Variants in NATD1 observed in about 807,000 individuals in gnomAD.
NATD1 encodes the protein N-acetyltransferase domain containing 1, also known as protein NATD1.
Under a neutral mutation model 12.0 loss-of-function variants are expected in NATD1, and 9 were observed. That is an observed-to-expected ratio of 0.75 (90% CI 0.45 to 1.30). NATD1 has a LOEUF of 1.30. NATD1 is among the 50% of genes most tolerant of loss of function. The pLI, the probability that NATD1 is intolerant of heterozygous loss-of-function variation, is 0.00. For synonymous variants in NATD1, 71 were observed against 65.9 expected (o/e 1.08, Z -0.37); for missense variants, 148 against 148.5 (o/e 1.00, Z 0.02).
chr17:21,252,004 G>A (rs1020974754), intron 1 of NATD1, among the ~76,000 whole-genome samples: 2 of 152,130 alleles, frequency 1.3e-5, no homozygotes, highest in Non-Finnish European at 2.9e-5. Flanking sequence ...GAGGGGGGAT[G>A]GGCTAATCAA....
rs373155795 is a variant in NATD1 at position 21,251,311 on chromosome 17, AC to A, written c.106+1847del. On this transcript the variant is annotated intron_variant, in intron 1 of 2. Transcript: ENST00000611551. ...AGAAAAAGAAAAAAAAAAAAAAAAA[AC>A]AAACGTATCCCCTCTTCTTTCTGTC... 1.9e-3 allele frequency among the ~76,000 whole-genome samples: 287 copies of A among 150,898 alleles called. 6 individuals carry two copies. The highest frequency in any genetic ancestry group is 0.017 in the South Asian group (82 of 4,756).
rs1421964330 is a variant in NATD1 at position 21,243,330 on chromosome 17, C to T, written c.325G>A (p.Glu109Lys). The T allele has an allele frequency of 6.2e-7, 1 of 1,612,718 alleles. No individual in the cohort carries two copies. Among genetic ancestry groups the T allele is most frequent in the Non-Finnish European group, 8.5e-7 (1 of 1,179,918 alleles). The change falls in exon 3 of 3, where the codon GAG (glutamate) becomes AAG (lysine). Residue 109 changes from glutamate (E) to lysine (K), a missense_variant. Glu to Lys is a moderately conservative substitution (Grantham distance 56). Transcript: ENST00000611551. ...GGCCAGGGTTACGGCTGCAGGCGCT[C>T]CAGGTACTGCGGCAGGGGGTTCTCC... ...VKENPLPQYL[E>K]RLQP is the part of the protein sequence containing the mutation.
intron 1 of NATD1, among the ~76,000 whole-genome samples, chr17:21,245,715 T>G (rs1975319460): frequency 6.6e-6 from 1 of 152,104 alleles, no homozygotes; most frequent in South Asian, 2.1e-4. Flanking sequence ...CACCTGCTAC[T>G]TCCTGCACCC....
Position 21,243,400 on chromosome 17 carries a change from G to A in NATD1, c.255C>T (p.Asp85=). The part of the protein sequence containing the change: ...KAALDFVVEE[D]LKAHLTCWYI... ...ACCAGCAGGTGAGATGGGCCTTCAGGTCCTCCTCCACCACGAAGTCCAGGG... is the reference window on the plus strand; with the variant it reads ...ACCAGCAGGTGAGATGGGCCTTCAGATCCTCCTCCACCACGAAGTCCAGGG... Residue 85 remains aspartate (D), a synonymous_variant, in exon 3 of 3, where the codon GAC becomes GAT. Transcript: ENST00000611551. The A allele has an allele frequency of 6.2e-7, 1 of 1,613,388 alleles. No individual in the cohort carries two copies. Among genetic ancestry groups the A allele is most frequent in the Non-Finnish European group, 8.5e-7 (1 of 1,179,962 alleles).
intron 1 of NATD1, among the ~76,000 whole-genome samples, chr17:21,250,765 C>T (rs1284575926): frequency 2.6e-5 from 4 of 152,188 alleles, no homozygotes; most frequent in Non-Finnish European, 4.4e-5. Flanking sequence ...GGTGCTCAAA[C>T]GTTTTCCCTC....
Position 21,249,907 on chromosome 17 carries a change from A to G in NATD1, c.106+3252T>C, listed in dbSNP as rs1422578694. ...TCAGAACCAGGATATGGCATCAGAC[A>G]AGCCTGAGCTCAAGCCTTCCCTCAT... On this transcript the variant is annotated intron_variant, in intron 1 of 2. Transcript: ENST00000611551. 2.0e-5 allele frequency among the ~76,000 whole-genome samples: 3 copies of G among 152,218 alleles called. No homozygotes were observed. The South Asian group carries it at 6.2e-4, about 31-fold the overall frequency.
chr17:21,243,576 G>A (rs1324856043), intron 2 of NATD1, 147 bp from the exon 3 acceptor site: 4 of 625,564 alleles, frequency 6.4e-6, no homozygotes, highest in Non-Finnish European at 1.1e-5. Context: ...GTGTCACCTG[G>A]GATGATCCCC....
At chr17:21,250,664 T>G (rs1975367010) in intron 1 of NATD1, among the ~76,000 whole-genome samples, 1 of 152,192 alleles carries the variant, frequency 6.6e-6, no homozygotes, top group Non-Finnish European at 1.5e-5. Context: ...GGAAATGCAG[T>G]TTCCCCTCTC....
intron 2 of NATD1, 91 bp from the exon 3 acceptor site, chr17:21,243,520 G>C: frequency 2.0e-6 from 2 of 976,324 alleles, no homozygotes; most frequent in Non-Finnish European, 3.1e-6. Context: ...CCGGCTCCCT[G>C]GCCACCCTTC....
chr17:21,244,275 C>G lies in NATD1; in HGVS notation c.107-51G>C. ...CTATGCTGACTCCCATCCCAGCGGA[C>G]TCAGGCACCAAGACGGGTGGAGGGA... On this transcript the variant is annotated intron_variant, in intron 1 of 2. Coordinates refer to ENST00000611551, the MANE Select transcript of NATD1 (RefSeq NM_152914.3). The surrounding 1 kb of genome is among the most constrained non-coding windows in gnomAD (Gnocchi z 5.2). 6.6e-7 allele frequency: 1 copy of G among 1,526,012 alleles called. No individual in the cohort carries two copies. The highest frequency in any genetic ancestry group is 9.0e-7 in the Non-Finnish European group (1 of 1,116,644). The allele number at this position is 1,526,012 out of a possible 1,614,324, so 94.5% of individuals were successfully genotyped here. A position where few individuals can be genotyped will look rare whatever the true frequency, so the allele number is the denominator to read the frequency against.
intron 1 of NATD1, among the ~76,000 whole-genome samples, chr17:21,250,594 T>G (rs957055985): frequency 6.6e-6 from 1 of 152,168 alleles, no homozygotes; most frequent in Admixed American, 6.5e-5. Context: ...ACCTCTGTGG[T>G]GCAAGACTTT....
Position 21,242,562 on chromosome 17 carries a change from T to A in NATD1, c.*751A>T, listed in dbSNP as rs1196587573. 6.6e-6 allele frequency: 1 copy of A among 152,076 alleles called. No individual in the cohort carries two copies. The highest frequency in any genetic ancestry group is 1.9e-4 in the East Asian group (1 of 5,166). The allele number at this position is 152,076 out of a possible 1,614,324, so 9.4% of individuals were successfully genotyped here. A position where few individuals can be genotyped will look rare whatever the true frequency, so the allele number is the denominator to read the frequency against. On this transcript the variant is annotated 3_prime_UTR_variant, in exon 3 of 3. Transcript: ENST00000611551. ...TCCTGGCAGACAGGGGTATAGGGGATAGCAGCCCATGGGGATGGGGCCTTG... is the reference window on the plus strand; with the variant it reads ...TCCTGGCAGACAGGGGTATAGGGGAAAGCAGCCCATGGGGATGGGGCCTTG...
chr17:21,251,310 A>G (rs1290384318), intron 1 of NATD1, among the ~76,000 whole-genome samples: 1 of 151,744 alleles, frequency 6.6e-6, no homozygotes, highest in East Asian at 1.9e-4. Flanking sequence ...AAAAAAAAAA[A>G]ACAAACGTAT....
In NATD1 at chr17:21,244,340, G is replaced by T; in HGVS notation, c.107-116C>A. On this transcript the variant is annotated intron_variant, in intron 1 of 2. Coordinates refer to ENST00000611551, the MANE Select transcript of NATD1 (RefSeq NM_152914.3). The surrounding 1 kb of genome is among the most constrained non-coding windows in gnomAD (Gnocchi z 5.2). ...CATTCAGCTGCTACAGCTGAATCCT[G>T]AATAACCTCTCAGTGCCTCAGTCTC... The T allele has an allele frequency of 1.3e-6, 1 of 772,488 alleles. No homozygotes were observed. The highest frequency in any genetic ancestry group is 2.1e-6 in the Non-Finnish European group (1 of 486,174). The allele number at this position is 772,488 out of a possible 1,614,324, so 47.9% of individuals were successfully genotyped here. A position where few individuals can be genotyped will look rare whatever the true frequency, so the allele number is the denominator to read the frequency against.
Position 21,253,042 on chromosome 17 carries a change from C to G in NATD1, c.106+117G>C, listed in dbSNP as rs930062071. 1.2e-5 allele frequency: 5 copies of G among 415,004 alleles called. No homozygotes were observed. The Admixed American group carries it at 1.9e-4, about 16-fold the overall frequency. 25.7% of individuals were successfully genotyped at this position (415,004 alleles called of 1,614,324 possible). ...GCGCGCTTGCAACAGCCTTCCCGGGCGGCGGGCCGGAGCCGGGCCGCGGGC... is the reference window on the plus strand; with the variant it reads ...GCGCGCTTGCAACAGCCTTCCCGGGGGGCGGGCCGGAGCCGGGCCGCGGGC... On this transcript the variant is annotated intron_variant, in intron 1 of 2. Coordinates refer to ENST00000611551, the MANE Select transcript of NATD1 (RefSeq NM_152914.3).
intron 1 of NATD1, among the ~76,000 whole-genome samples, chr17:21,251,723 C>A (rs1366225808): frequency 6.6e-6 from 1 of 152,236 alleles, no homozygotes; most frequent in African/African-American, 2.4e-5. Context: ...CTGGCAGAGG[C>A]CCCTCCTGGC....
At chr17:21,246,669 C>A (rs1975327809) in intron 1 of NATD1, among the ~76,000 whole-genome samples, 1 of 151,984 alleles carries the variant, frequency 6.6e-6, no homozygotes, top group Admixed American at 6.6e-5. Flanking sequence ...GCCTGGGTGA[C>A]AGAGTGAGAC....
Position 21,243,120 on chromosome 17 carries a change from C to A in NATD1, c.*193G>T. The A allele has an allele frequency of 3.7e-6, 2 of 546,638 alleles. No homozygotes were observed. The highest frequency in any genetic ancestry group is 6.6e-6 in the Non-Finnish European group (2 of 304,928). The allele number at this position is 546,638 out of a possible 1,614,324, so 33.9% of individuals were successfully genotyped here. A position where few individuals can be genotyped will look rare whatever the true frequency, so the allele number is the denominator to read the frequency against. On this transcript the variant is annotated 3_prime_UTR_variant, in exon 3 of 3. Transcript: ENST00000611551. ...CCGGGACTACCTGGCCTCCTTGCCG[C>A]CTCGGTTACCGGGTCACCGCCCATC... is the stretch of plus-strand genomic sequence containing the variant.
At chr17:21,250,465 T>A (rs1341692505) in intron 1 of NATD1, among the ~76,000 whole-genome samples, 2 of 152,206 alleles carry the variant, frequency 1.3e-5, no homozygotes, top group African/African-American at 4.8e-5. Context: ...AAACTGACTC[T>A]ATTTCTTGTC....
Sources: gnomAD v4.1 joint callset for allele counts (sites outside exome capture counted in the v4.1 genomes callset) on GRCh38, gnomAD v4.1.1 for gene constraint, Gnocchi (gnomAD v3.1) non-coding constraint, MANE v1.5 for transcripts, NCBI Gene and HGNC (gene_info 2026-07-23, HGNC 2026-07-21) for gene names.